The following ZYG11B variants were observed in gnomAD, a reference collection of about 807,000 sequenced individuals.
ZYG11B encodes the protein zyg-11 family member B, cell cycle regulator, also known as protein zyg-11 homolog B.
In ZYG11B, 36 loss-of-function variants were observed where a neutral mutation model predicts 82.4. That is an observed-to-expected ratio of 0.44 (90% CI 0.33 to 0.58). The LOEUF is 0.58. Among genes scored for constraint, ZYG11B ranks in the 20% least tolerant of loss-of-function variants. The pLI, the probability that ZYG11B is intolerant of heterozygous loss-of-function variation, is 0.02. For missense variants in ZYG11B, 552 were observed against 895.6 expected, an observed-to-expected ratio of 0.62 and a Z score of 4.90; for synonymous variants, 303 against 312.8, an observed-to-expected ratio of 0.97 and a Z score of 0.33.
intron 10 of ZYG11B, among the ~76,000 whole-genome samples, chr1:52,809,300 C>T (rs545109180): frequency 2.6e-5 from 4 of 152,112 alleles, no homozygotes; most frequent in Admixed American, 1.3e-4. Flanking sequence ...TAAAACTGAA[C>T]GTCTGTAACC....
chr1:52,766,260 A>G (rs1393523318), intron 2 of ZYG11B, among the ~76,000 whole-genome samples: 1 of 151,610 alleles, frequency 6.6e-6, no homozygotes, highest in Admixed American at 6.6e-5. Context: ...AGCTGGGACT[A>G]CAGGCGTGTG....
At chr1:52,747,035 A>G (rs930903011) in intron 1 of ZYG11B, among the ~76,000 whole-genome samples, 1 of 151,744 alleles carries the variant, frequency 6.6e-6, no homozygotes, top group Non-Finnish European at 1.5e-5. Flanking sequence ...ACTTGGGTAC[A>G]TTATTATTTC....
chr1:52,732,976 C>CA lies in ZYG11B; in HGVS notation c.30+6305dup, dbSNP rs528513806. Reference sequence around the variant, plus strand: ...GGGCAAAAAGAGTGAAACTCCATCTCAAAAAAAAAAAATTATTAACCCAAC... The same window carrying CA: ...GGGCAAAAAGAGTGAAACTCCATCTCAAAAAAAAAAAAATTATTAACCCAAC... On this transcript the variant is annotated intron_variant, in intron 1 of 13. Coordinates refer to ENST00000294353, the MANE Select transcript of ZYG11B (RefSeq NM_024646.3). 2.0e-3 allele frequency among the ~76,000 whole-genome samples: 279 copies of CA among 142,256 alleles called. 3 individuals are homozygous for CA. The highest frequency in any genetic ancestry group is 5.2e-3 in the African/African-American group (203 of 38,862). 93.3% of individuals were successfully genotyped at this position (142,256 alleles called of 152,430 possible). A position where few individuals can be genotyped will look rare whatever the true frequency, so the allele number is the denominator to read the frequency against.
At chr1:52,821,301 C>T in intron 13 of ZYG11B, 138 bp from the exon 14 acceptor site, 1 of 745,994 alleles carries the variant, frequency 1.3e-6, no homozygotes, top group Non-Finnish European at 2.1e-6. Flanking sequence ...ATTTATCAAG[C>T]TGTAGCATGT....
chr1:52,760,853 C>T (rs915988576), intron 2 of ZYG11B, among the ~76,000 whole-genome samples: 1 of 151,230 alleles, frequency 6.6e-6, no homozygotes, highest in Admixed American at 6.6e-5. Context: ...GTCTCTGCCT[C>T]CTGGGTTCAT....
Position 52,741,383 on chromosome 1 carries a change from C to T in ZYG11B, c.30+14700C>T, listed in dbSNP as rs150047531. Among the ~76,000 whole-genome samples the T allele has an allele frequency of 5.3e-5, 8 of 150,368 alleles. No homozygotes were observed. In the East Asian group the frequency reaches 1.2e-3, roughly 22 times the overall value. ...AGAGGAGATTTTCCATGGAGTATTA[C>T]GATGAGAAGTCAGAGATATCTAACA... is the stretch of plus-strand genomic sequence containing the variant. On this transcript the variant is annotated intron_variant, in intron 1 of 13. Transcript: ENST00000294353.
At chr1:52,755,422 C>G (rs186299855) in intron 1 of ZYG11B, among the ~76,000 whole-genome samples, 2 of 152,276 alleles carry the variant, frequency 1.3e-5, no homozygotes, top group Admixed American at 1.3e-4. Context: ...CAAAGTCTTT[C>G]AACTTTGTTT....
chr1:52,746,687 G>GTTTTTTTTTTTTTT lies in ZYG11B; in HGVS notation c.31-9757_31-9744dup. Among the ~76,000 whole-genome samples, 92 of 33,502 alleles carry GTTTTTTTTTTTTTT rather than the reference G, an allele frequency of 2.7e-3. 17 individuals are homozygous for GTTTTTTTTTTTTTT. The highest frequency in any genetic ancestry group is 6.0e-3 in the South Asian group (3 of 496). The allele number at this position is 33,502 out of a possible 152,430, so 22.0% of individuals were successfully genotyped here. ...ACCAAAAAAATAAAGATCGGCCACT[G>GTTTTTTTTTTTTTT]TTTTTTTTTTTTTTTTTTTTTTTTT... On this transcript the variant is annotated intron_variant, in intron 1 of 13. Transcript: ENST00000294353.
intron 6 of ZYG11B, among the ~76,000 whole-genome samples, chr1:52,794,363 A>G (rs754432658): frequency 1.3e-5 from 2 of 152,224 alleles, no homozygotes; most frequent in Non-Finnish European, 2.9e-5. Context: ...GAAGAATGCA[A>G]GTAGTGGGCC....
At chr1:52,754,290 G>GGCCAACACT in intron 1 of ZYG11B, 1 of 152,316 alleles carries the variant, frequency 6.6e-6, no homozygotes, top group Non-Finnish European at 1.5e-5. Context: ...CTCCCAAAGT[G>GGCCAACACT]TTGGGAGGCC....
At chr1:52,737,331 G>T (rs771645046) in intron 1 of ZYG11B, among the ~76,000 whole-genome samples, 9 of 152,170 alleles carry the variant, frequency 5.9e-5, no homozygotes, top group Non-Finnish European at 1.2e-4. Context: ...GTTGTTTTCT[G>T]TGGTATTATT....
intron 2 of ZYG11B, among the ~76,000 whole-genome samples, chr1:52,766,093 T>C (rs574229235): frequency 6.6e-6 from 1 of 150,944 alleles, no homozygotes; most frequent in East Asian, 1.9e-4. Flanking sequence ...CATTTTTTTC[T>C]TTTTTTCCTT....
At chr1:52,766,923 G>T (rs1334717910) in intron 2 of ZYG11B, among the ~76,000 whole-genome samples, 3 of 151,816 alleles carry the variant, frequency 2.0e-5, no homozygotes, top group South Asian at 2.1e-4. Flanking sequence ...CGGGAGAATG[G>T]TGTGAACCCG....
intron 1 of ZYG11B, among the ~76,000 whole-genome samples, chr1:52,741,313 A>G (rs1169589947): frequency 6.6e-6 from 1 of 151,092 alleles, no homozygotes; most frequent in Non-Finnish European, 1.5e-5. Flanking sequence ...AAAAAAAAAA[A>G]AAAAAAGAAA....
chr1:52,765,608 C>G (rs1416634678), intron 2 of ZYG11B, among the ~76,000 whole-genome samples: 1 of 152,050 alleles, frequency 6.6e-6, no homozygotes, highest in Non-Finnish European at 1.5e-5. Context: ...AGCGACCCTT[C>G]GACCTCAGCC....
chr1:52,819,897 C>T (rs1475298496), intron 13 of ZYG11B, among the ~76,000 whole-genome samples: 1 of 151,462 alleles, frequency 6.6e-6, no homozygotes, highest in African/African-American at 2.4e-5. Flanking sequence ...GAATGACAGC[C>T]CTGAATAATT....
At chr1:52,796,479 CATT>C in intron 7 of ZYG11B, 88 bp downstream of exon 7, 1 of 1,157,096 alleles carries the variant, frequency 8.6e-7, no homozygotes. Flanking sequence ...GTGCCAGAAA[CATT>C]AGTAAATCTC....
Position 52,783,862 on chromosome 1 carries a change from ATG to A in ZYG11B, c.1093-1013_1093-1012del, listed in dbSNP as rs1558132659. 4.2e-4 allele frequency among the ~76,000 whole-genome samples: 52 copies of A among 124,104 alleles called. 2 individuals are homozygous for A. Among genetic ancestry groups the A allele is most frequent in the African/African-American group, 1.6e-3 (45 of 28,194 alleles). 81.4% of individuals were successfully genotyped at this position (124,104 alleles called of 152,430 possible). A position where few individuals can be genotyped will look rare whatever the true frequency, so the allele number is the denominator to read the frequency against. Reference sequence around the variant, plus strand: ...TATATGTACATACACGTGTGTGTGTATGTACATACACGTGTGTGTATATGTAC... The same window carrying A: ...TATATGTACATACACGTGTGTGTGTATACATACACGTGTGTGTATATGTAC... On this transcript the variant is annotated intron_variant, in intron 4 of 13. Transcript: ENST00000294353.
intron 1 of ZYG11B, among the ~76,000 whole-genome samples, chr1:52,749,681 G>A (rs949390938): frequency 6.6e-6 from 1 of 151,904 alleles, no homozygotes; most frequent in East Asian, 1.9e-4. Flanking sequence ...TTGGCTCACC[G>A]CAACCTCCGC....
Sources: gnomAD v4.1 joint callset for allele counts (sites outside exome capture counted in the v4.1 genomes callset) on GRCh38, gnomAD v4.1.1 for gene constraint, MANE v1.5 for transcripts, NCBI Gene and HGNC (gene_info 2026-07-23, HGNC 2026-07-21) for gene names.